Variants in UBXN7 observed in about 807,000 individuals in gnomAD.
UBXN7 encodes UBX domain protein 7.
A neutral mutation model predicts 58.0 loss-of-function variants in UBXN7; 9 were observed. That is an observed-to-expected ratio of 0.16 (90% CI 0.09 to 0.27). The LOEUF is 0.27. Among genes scored for constraint, UBXN7 ranks in the 10% least tolerant of loss-of-function variants. UBXN7 has a pLI of 1.00. For synonymous variants in UBXN7, 208 were observed against 205.0 expected, an observed-to-expected ratio of 1.01 and a Z score of -0.12; for missense variants, 328 against 599.6, an observed-to-expected ratio of 0.55 and a Z score of 4.73.
At chr3:196,362,776 T>C (rs1728539649) in intron 8 of UBXN7, 89 bp from the exon 9 acceptor site, 18 of 1,465,130 alleles carry the variant, frequency 1.2e-5, no homozygotes, top group Non-Finnish European at 1.5e-5. Context: ...TAGCTTGCCA[T>C]TCATTATTAT....
At chr3:196,425,362 T>C (rs1398367627) in intron 1 of UBXN7, among the ~76,000 whole-genome samples, 2 of 151,530 alleles carry the variant, frequency 1.3e-5, no homozygotes, top group Non-Finnish European at 2.9e-5. Context: ...TTCTCCATTA[T>C]AGCCAAGTAA....
intron 2 of UBXN7, among the ~76,000 whole-genome samples, chr3:196,406,900 G>A (rs1730179931): frequency 1.3e-5 from 2 of 152,196 alleles, no homozygotes; most frequent in Admixed American, 1.3e-4. Context: ...TTGGTAAAAT[G>A]TTGATAATGC....
At chr3:196,424,867 T>G (rs186984554) in intron 1 of UBXN7, among the ~76,000 whole-genome samples, 330 of 151,986 alleles carry the variant, frequency 2.2e-3, no homozygotes, top group Middle Eastern at 0.014. Context: ...CATGCCCGGC[T>G]AGTTTTGTAT....
chr3:196,383,224 T>C (rs1729270487), intron 5 of UBXN7, among the ~76,000 whole-genome samples: 1 of 151,974 alleles, frequency 6.6e-6, no homozygotes, highest in Admixed American at 6.6e-5. Context: ...GGCCATTACA[T>C]ATTGGTAAAG....
chr3:196,425,346 T>C (rs1730815437), intron 1 of UBXN7, among the ~76,000 whole-genome samples: 1 of 151,778 alleles, frequency 6.6e-6, no homozygotes, highest in South Asian at 2.1e-4. Context: ...TCTCTGTGCC[T>C]ATCTCTTCTC....
intron 10 of UBXN7, among the ~76,000 whole-genome samples, chr3:196,358,813 C>T (rs556757429): frequency 6.3e-4 from 96 of 151,648 alleles, no homozygotes; most frequent in African/African-American, 2.2e-3. Context: ...AAACATCTAA[C>T]ACCTCTTTCT....
chr3:196,411,947 G>A (rs1318752175), intron 1 of UBXN7, among the ~76,000 whole-genome samples: 6 of 152,006 alleles, frequency 3.9e-5, no homozygotes, highest in South Asian at 4.1e-4. Flanking sequence ...AAAGGCGGCC[G>A]GCCAGGTGCG....
At chr3:196,386,934 A>G (rs1729424205) in intron 5 of UBXN7, among the ~76,000 whole-genome samples, 1 of 152,222 alleles carries the variant, frequency 6.6e-6, no homozygotes, top group Admixed American at 6.5e-5. Flanking sequence ...ACAAAGCTGG[A>G]GGCATCATGC....
intron 5 of UBXN7, among the ~76,000 whole-genome samples, chr3:196,377,347 T>C (rs1040131932): frequency 6.6e-6 from 1 of 152,202 alleles, no homozygotes; most frequent in South Asian, 2.1e-4. Flanking sequence ...GCTCACACTG[T>C]ATTTTCCCTC....
intron 5 of UBXN7, among the ~76,000 whole-genome samples, chr3:196,385,067 G>A (rs1729331538): frequency 6.6e-6 from 1 of 152,198 alleles, no homozygotes; most frequent in Non-Finnish European, 1.5e-5. Flanking sequence ...AGGCTGGACT[G>A]TACTGCCGCC....
intron 1 of UBXN7, among the ~76,000 whole-genome samples, chr3:196,420,401 C>G (rs752372110): frequency 6.6e-6 from 1 of 151,774 alleles, no homozygotes; most frequent in African/African-American, 2.4e-5. Flanking sequence ...CATGGTGATG[C>G]GTGCCTGTAA....
At chr3:196,413,466 T>C (rs191763601) in intron 1 of UBXN7, among the ~76,000 whole-genome samples, 30 of 152,362 alleles carry the variant, frequency 2.0e-4, no homozygotes, top group Non-Finnish European at 3.1e-4. Flanking sequence ...GCCTTTTATC[T>C]AGGTATATAT....
chr3:196,431,200 A>G (rs1731033744), intron 1 of UBXN7, among the ~76,000 whole-genome samples: 1 of 152,242 alleles, frequency 6.6e-6, no homozygotes, highest in African/African-American at 2.4e-5. Flanking sequence ...CTAACAAATT[A>G]CGAGATAAAG....
intron 2 of UBXN7, 25 bp from the exon 3 acceptor site, chr3:196,403,044 A>T: frequency 6.3e-7 from 1 of 1,575,812 alleles, no homozygotes; most frequent in Non-Finnish European, 8.6e-7. Context: ...TGGGAAAATA[A>T]AAAATGAAAA....
chr3:196,370,464 AAAAAAAG>A (rs1053721235), intron 6 of UBXN7, among the ~76,000 whole-genome samples: 1 of 151,736 alleles, frequency 6.6e-6, no homozygotes, highest in African/African-American at 2.4e-5. Flanking sequence ...TTATTTAAAA[AAAAAAAG>A]AAAAAAGAAA....
At chr3:196,406,312 C>A (rs1329533820) in intron 2 of UBXN7, among the ~76,000 whole-genome samples, 1 of 152,164 alleles carries the variant, frequency 6.6e-6, no homozygotes, top group East Asian at 1.9e-4. Flanking sequence ...GAATTACAGG[C>A]ATGAGCCACC....
chr3:196,360,524 C>T (rs566188027), intron 10 of UBXN7, among the ~76,000 whole-genome samples: 1 of 152,318 alleles, frequency 6.6e-6, no homozygotes, highest in African/African-American at 2.4e-5. Context: ...CATCAATTTA[C>T]AGCATAACTT....
intron 1 of UBXN7, among the ~76,000 whole-genome samples, chr3:196,428,574 G>C (rs566072655): frequency 6.6e-6 from 1 of 152,138 alleles, no homozygotes; most frequent in South Asian, 2.1e-4. Flanking sequence ...TTGTGAGAAG[G>C]AGAATTAGTT....
At chr3:196,380,672 C>T (rs1432330065) in intron 5 of UBXN7, among the ~76,000 whole-genome samples, 2 of 152,232 alleles carry the variant, frequency 1.3e-5, no homozygotes, top group South Asian at 2.1e-4. Context: ...AGCAGGGCAG[C>T]GTGCCGCCTC....
Sources: allele counts gnomAD v4.1 joint callset (sites outside exome capture counted in the v4.1 genomes callset), GRCh38; gene constraint gnomAD v4.1.1; transcripts MANE v1.5; gene names NCBI Gene and HGNC (gene_info 2026-07-23, HGNC 2026-07-21).